IL1RAPL1: variants seen among roughly 807,000 people sequenced by gnomAD.
The protein encoded by IL1RAPL1 is interleukin-1 receptor accessory protein-like 1.
A neutral mutation model predicts 48.4 loss-of-function variants in IL1RAPL1; 3 were observed. That is an observed-to-expected ratio of 0.06 (90% CI 0.03 to 0.16). The LOEUF is 0.16. Among genes scored for constraint, IL1RAPL1 ranks in the 10% least tolerant of loss-of-function variants. The pLI is 1.00. For synonymous variants in IL1RAPL1, 185 were observed against 187.7 expected (o/e 0.99, Z 0.12); for missense variants, 349 against 530.6 (o/e 0.66, Z 3.36).
intron 2 of IL1RAPL1, among the ~76,000 whole-genome samples, chrX:28,800,371 A>G (rs1005069216): frequency 8.9e-6 from 1 of 112,138 alleles, no homozygotes; most frequent in Non-Finnish European, 1.9e-5. Flanking sequence ...TTGGGGGACC[A>G]CTGTTCACAC....
In IL1RAPL1 at chrX:29,309,651, A is replaced by G. The variant is rs560960324; in HGVS notation, c.362+26434A>G. On this transcript the variant is annotated intron_variant, in intron 3 of 10. Transcript: ENST00000378993. ...AATATGGTGAAAACCCATCTCTATTAAAAATACAAAAATTAGCCGGACGTG... is the reference window on the plus strand; with the variant it reads ...AATATGGTGAAAACCCATCTCTATTGAAAATACAAAAATTAGCCGGACGTG... Among the ~76,000 whole-genome samples, 13 of 110,215 alleles carry G rather than the reference A, an allele frequency of 1.2e-4. No individual in the cohort carries two copies. The South Asian group carries it at 4.3e-3, about 37-fold the overall frequency.
intron 2 of IL1RAPL1, among the ~76,000 whole-genome samples, chrX:28,878,993 T>TA (rs1051144486): frequency 1.9e-5 from 2 of 107,338 alleles, no homozygotes; most frequent in African/African-American, 7.0e-5. Flanking sequence ...ATGTCCATAG[T>TA]AAAAAAATCA....
At chrX:28,909,189 A>C (rs749820014) in intron 2 of IL1RAPL1, among the ~76,000 whole-genome samples, 83 of 111,622 alleles carry the variant, frequency 7.4e-4, no homozygotes, top group African/African-American at 2.4e-3. Context: ...ATTTCAAGTA[A>C]ATATTGATAC....
intron 2 of IL1RAPL1, among the ~76,000 whole-genome samples, chrX:28,822,689 T>C (rs936214579): frequency 2.4e-4 from 27 of 111,533 alleles, no homozygotes; most frequent in African/African-American, 8.8e-4. Context: ...AGATAAAAAT[T>C]CTCACCAATG....
chrX:28,736,058 T>C, intron 1 of IL1RAPL1, among the ~76,000 whole-genome samples: 1 of 111,448 alleles, frequency 9.0e-6, no homozygotes, highest in Non-Finnish European at 1.9e-5. Flanking sequence ...CAATAAAACA[T>C]TTAAGTATTT....
chrX:29,219,772 C>A (rs1930939759), intron 2 of IL1RAPL1, among the ~76,000 whole-genome samples: 1 of 110,982 alleles, frequency 9.0e-6, no homozygotes. Flanking sequence ...TATCATGAGA[C>A]CTTTCATGAT....
At chrX:28,814,075 A>C (rs1263445069) in intron 2 of IL1RAPL1, among the ~76,000 whole-genome samples, 1 of 110,533 alleles carries the variant, frequency 9.0e-6, no homozygotes, top group Non-Finnish European at 1.9e-5. Flanking sequence ...ATTAGAAAGA[A>C]AGAGAAATGC....
chrX:28,820,744 T>C (rs1936928019), intron 2 of IL1RAPL1, among the ~76,000 whole-genome samples: 1 of 111,225 alleles, frequency 9.0e-6, no homozygotes, highest in South Asian at 3.8e-4. Context: ...GCTGGCTATA[T>C]GTGCACCAAA....
chrX:28,947,086 A>G (rs917855186), intron 2 of IL1RAPL1, among the ~76,000 whole-genome samples: 1 of 111,581 alleles, frequency 9.0e-6, no homozygotes, highest in African/African-American at 3.3e-5. Flanking sequence ...TGACCATGCA[A>G]TGTTGGATAC....
At chrX:29,837,258 CAAAAAAAA>C (rs34032700) in intron 6 of IL1RAPL1, among the ~76,000 whole-genome samples, 7 of 30,035 alleles carry the variant, frequency 2.3e-4, no homozygotes, top group Admixed American at 9.6e-4. Flanking sequence ...GACTGCATCT[CAAAAAAAA>C]AAAAAAATAT....
intron 6 of IL1RAPL1, among the ~76,000 whole-genome samples, chrX:29,777,160 G>C (rs1023853533): frequency 8.0e-5 from 9 of 111,954 alleles, no homozygotes; most frequent in Non-Finnish European, 1.5e-4. Context: ...TCCTGAACTG[G>C]CTCTTTGTAC....
At chrX:28,808,053 C>T (rs1263444744) in intron 2 of IL1RAPL1, among the ~76,000 whole-genome samples, 1 of 110,559 alleles carries the variant, frequency 9.0e-6, no homozygotes, top group East Asian at 2.9e-4. Flanking sequence ...TTTCTGTGTC[C>T]AAGGCTACAC....
At chrX:29,073,879 A>G (rs751369302) in intron 2 of IL1RAPL1, among the ~76,000 whole-genome samples, 6 of 111,738 alleles carry the variant, frequency 5.4e-5, no homozygotes, top group South Asian at 7.5e-4. Context: ...AAGTGAAGTC[A>G]CCTGCCTAAA....
rs981688803 is a variant in IL1RAPL1, at chrX:29,182,108, C to A, written c.83-100830C>A. Among the ~76,000 whole-genome samples the A allele has an allele frequency of 2.7e-5, 3 of 109,760 alleles. No individual in the cohort carries two copies. The Admixed American group carries it at 3.0e-4, about 11-fold the overall frequency. Reference sequence around the variant, plus strand: ...AGAGTTGGAACTTTTAGCCTTGCCCCCCCCCACCCCATGCCTTCCCTGACC... The same window carrying A: ...AGAGTTGGAACTTTTAGCCTTGCCCACCCCCACCCCATGCCTTCCCTGACC... On this transcript the variant is annotated intron_variant, in intron 2 of 10. Coordinates refer to ENST00000378993, the MANE Select transcript of IL1RAPL1 (RefSeq NM_014271.4).
chrX:28,970,900 A>G (rs1925054306), intron 2 of IL1RAPL1, among the ~76,000 whole-genome samples: 1 of 111,250 alleles, frequency 9.0e-6, no homozygotes, highest in Non-Finnish European at 1.9e-5. Context: ...CCTTATATAT[A>G]TAATTTTTAT....
intron 3 of IL1RAPL1, among the ~76,000 whole-genome samples, chrX:29,387,474 A>G (rs1215545902): frequency 1.8e-5 from 2 of 112,003 alleles, no homozygotes; most frequent in Non-Finnish European, 3.8e-5. Flanking sequence ...GTGATGTGCA[A>G]CTTACCCAAA....
chrX:28,725,622 A>G (rs1008908064), intron 1 of IL1RAPL1, among the ~76,000 whole-genome samples: 1 of 112,335 alleles, frequency 8.9e-6, no homozygotes, highest in Non-Finnish European at 1.9e-5. Flanking sequence ...TTAATAAAAG[A>G]TCTTGCAAGT....
chrX:29,886,774 G>A (rs1485533209), intron 6 of IL1RAPL1, among the ~76,000 whole-genome samples: 1 of 111,540 alleles, frequency 9.0e-6, no homozygotes, highest in East Asian at 2.8e-4. Flanking sequence ...GCTCTAATAG[G>A]ACCTAGACAT....
chrX:29,686,257 A>C (rs1926612600), intron 6 of IL1RAPL1, among the ~76,000 whole-genome samples: 1 of 111,427 alleles, frequency 9.0e-6, no homozygotes, highest in Non-Finnish European at 1.9e-5. Context: ...ATAATCCATC[A>C]GCTTTTCAAA....
Sources: allele counts gnomAD v4.1 joint callset (sites outside exome capture counted in the v4.1 genomes callset), GRCh38; gene constraint gnomAD v4.1.1; transcripts MANE v1.5; gene names NCBI Gene and HGNC (gene_info 2026-07-23, HGNC 2026-07-21).